Variants in KRT73 observed in about 807,000 individuals in gnomAD.
The protein encoded by KRT73 is keratin, type II cytoskeletal 73.
A neutral mutation model predicts 47.2 loss-of-function variants in KRT73; 44 were observed. That is an observed-to-expected ratio of 0.93 (90% CI 0.73 to 1.20). The LOEUF (loss-of-function observed/expected upper bound fraction) is 1.20, where lower values mean the gene tolerates loss of function less well. Ranked by LOEUF, KRT73 falls within the 50% of genes most tolerant of loss-of-function variation. KRT73 has a pLI of 0.00. For missense variants in KRT73, 713 were observed against 704.5 expected, an observed-to-expected ratio of 1.01 and a Z score of -0.14; for synonymous variants, 285 against 291.3, an observed-to-expected ratio of 0.98 and a Z score of 0.22.
chr12:52,618,047 C>CCCAAGAT, intron 1 of KRT73, 31 bp downstream of exon 1: 1 of 1,606,396 alleles, frequency 6.2e-7, no homozygotes, highest in Non-Finnish European at 8.5e-7. Flanking sequence ...AAAAGGGGAG[C>CCCAAGAT]CCAAGATCAG....
rs930811331 is a variant in KRT73, at chr12:52,618,312, A to G, written c.213T>C (p.Tyr71=). The G allele has an allele frequency of 4.3e-6, 7 of 1,614,022 alleles. No individual in the cohort carries two copies. The highest frequency in any genetic ancestry group is 5.9e-6 in the Non-Finnish European group (7 of 1,180,022). Residue 71 remains tyrosine, a synonymous_variant, in exon 1 of 9, where the codon TAT becomes TAC. Transcript: ENST00000305748. The stretch of plus-strand genomic sequence containing the variant: ...CACTGGCCCGGCCCCGGCCAAATCC[A>G]TAGCCTCCTGCCCACCCACTGCCAC... ...VASGSGWAGG[Y]GFGRGRASGF... is the part of the protein sequence containing the mutation.
At position 52,611,223 on chromosome 12, in the gene KRT73, A is replaced by G. The variant is rs141119313; in HGVS notation, c.1091T>C (p.Ile364Thr). Residue 364 changes from isoleucine (I) to threonine (T), a missense_variant, in exon 6 of 9, where the codon ATT (isoleucine) becomes ACT (threonine). Physicochemically the swap from Ile to Thr is moderately conservative, Grantham distance 89. Coordinates refer to ENST00000305748, the MANE Select transcript of KRT73 (RefSeq NM_175068.3). ...TRLIQRLRSE[I>T]ESVKKQCANL... is the part of the protein sequence containing the mutation. Reference sequence around the variant, plus strand: ...CTTCACCTGCTTCTTCACACTCTCAATCTCCGAGCGCAGTCTTTGGATGAG... The same window carrying G: ...CTTCACCTGCTTCTTCACACTCTCAGTCTCCGAGCGCAGTCTTTGGATGAG... 5.0e-6 allele frequency: 8 copies of G among 1,614,000 alleles called. No individual in the cohort carries two copies. Among genetic ancestry groups the G allele is most frequent in the Non-Finnish European group, 5.9e-6 (7 of 1,180,024 alleles).
chr12:52,614,796 A>G, intron 3 of KRT73, 122 bp from the exon 4 acceptor site: 1 of 727,716 alleles, frequency 1.4e-6, no homozygotes. Flanking sequence ...TCCAAGGGGC[A>G]GGAACCGGCC....
At chr12:52,611,894 G>A (rs1376620896) in intron 5 of KRT73, among the ~76,000 whole-genome samples, 4 of 152,182 alleles carry the variant, frequency 2.6e-5, no homozygotes, top group Admixed American at 6.5e-5. Context: ...CTTCCGTGAT[G>A]CCCTGGTTGG....
upstream of KRT73, among the ~76,000 whole-genome samples, chr12:52,619,557 A>C (rs1940869967): frequency 6.6e-6 from 1 of 152,164 alleles, no homozygotes; most frequent in Non-Finnish European, 1.5e-5. Context: ...CGCCTTATTC[A>C]TTCGTCCATC....
At chr12:52,610,540 C>A (rs539689642) in intron 7 of KRT73, 75 bp downstream of exon 7, 6 of 292,524 alleles carry the variant, frequency 2.1e-5, no homozygotes, top group Admixed American at 1.1e-4. Flanking sequence ...CCCCCTCCCC[C>A]CCGCCCCCAA....
Position 52,608,263 on chromosome 12 carries a change from C to T in KRT73, c.1556G>A (p.Ser519Asn), listed in dbSNP as rs1295776105. The T allele has an allele frequency of 1.2e-6, 2 of 1,614,076 alleles. No homozygotes were observed. Among genetic ancestry groups the T allele is most frequent in the Non-Finnish European group, 1.7e-6 (2 of 1,180,022 alleles). The part of the protein sequence containing the change: ...GEARTRLGSA[S>N]EFRDSQGKTL... ...CTTTCCCTGGGAGTCCCTGAATTCA[C>T]TTGCACTCCCCAGCCTGGTCCTGGC... is the stretch of plus-strand genomic sequence containing the variant. Residue 519 changes from serine (S) to asparagine (N), a missense_variant, in exon 9 of 9, where the codon AGT becomes AAT. Transcript: ENST00000305748.
intron 3 of KRT73, chr12:52,615,078 G>T (rs561791196): frequency 1.8e-5 from 10 of 545,110 alleles, no homozygotes; most frequent in Non-Finnish European, 2.9e-5. Context: ...TCCACATCTA[G>T]GTTCCTGTCC....
At position 52,608,307 on chromosome 12, in the gene KRT73, G is replaced by A. The variant is rs1395024634; in HGVS notation, c.1512C>T (p.Asn504=). ...LPGGCVTGSG[N]CSPRGEARTR... is the part of the protein sequence containing the mutation. ...TCCTGGCTTCCCCACGGGGGCTACA[G>A]TTCCCACTGCCAGTGACACAGCCCC... Residue 504 remains asparagine, a synonymous_variant, in exon 9 of 9, where the codon AAC becomes AAT. Coordinates refer to ENST00000305748, the MANE Select transcript of KRT73 (RefSeq NM_175068.3). 4 of 1,614,016 alleles carry A rather than the reference G, an allele frequency of 2.5e-6. No individual in the cohort carries two copies. The highest frequency in any genetic ancestry group is 3.4e-6 in the Non-Finnish European group (4 of 1,180,018).
chr12:52,611,272 T>C lies in KRT73; in HGVS notation c.1042A>G (p.Asn348Asp). Residue 348 changes from asparagine to aspartate, a missense_variant, in exon 6 of 9, where the codon AAT becomes GAT. Coordinates refer to ENST00000305748, the MANE Select transcript of KRT73 (RefSeq NM_175068.3). ...AGACGGGTCAGCTCTGAGATCTCAT[T>C]TTTGGTGTGTTTCAGGTCATCCCCA... ...RHGDDLKHTKNEISELTRLIQ... is the reference protein window; with the variant it reads ...RHGDDLKHTKDEISELTRLIQ... The C allele has an allele frequency of 6.2e-7, 1 of 1,613,964 alleles. No individual in the cohort carries two copies. The highest frequency in any genetic ancestry group is 2.2e-5 in the East Asian group (1 of 44,870).
intron 7 of KRT73, 157 bp downstream of exon 7, chr12:52,610,458 T>C (rs1191989083): frequency 4.2e-6 from 3 of 718,372 alleles, no homozygotes; most frequent in Non-Finnish European, 7.0e-6. Context: ...AGGAAATTGC[T>C]GTCACATTAT....
At chr12:52,620,168 C>T (rs1940881266), upstream of KRT73, among the ~76,000 whole-genome samples, 1 of 127,716 alleles carries the variant, frequency 7.8e-6, no homozygotes, top group African/African-American at 3.1e-5. Context: ...GGCTGGAGTG[C>T]AATAGCATGA....
At chr12:52,616,727 A>G (rs1039566612) in intron 1 of KRT73, among the ~76,000 whole-genome samples, 2 of 152,080 alleles carry the variant, frequency 1.3e-5, no homozygotes, top group Non-Finnish European at 2.9e-5. Context: ...AGCCCCTTAG[A>G]CACAAGCTGG....
the KRT73 span, among the ~76,000 whole-genome samples, chr12:52,628,711 A>G: frequency 1.3e-5 from 2 of 152,186 alleles, no homozygotes; most frequent in African/African-American, 4.8e-5. Context: ...AGGGAGAGAC[A>G]AGGGAGAAGG....
At chr12:52,628,374 C>T in the KRT73 span, among the ~76,000 whole-genome samples, 1 of 147,356 alleles carries the variant, frequency 6.8e-6, no homozygotes, top group African/African-American at 2.5e-5. Context: ...TTTCACCCTC[C>T]CAGTCCCCAT....
rs1240099215 is a variant in KRT73, at chr12:52,618,479, C to T, written c.46G>A (p.Gly16Ser). 5.0e-6 allele frequency: 8 copies of T among 1,611,556 alleles called. No homozygotes were observed. Among genetic ancestry groups the T allele is most frequent in the Admixed American group, 1.7e-5 (1 of 59,716 alleles). The part of the protein sequence containing the change: ...TYKSGAAAKG[G>S]FSGCSAVLSG... ...AGCACAGCGGAGCAGCCGCTGAAGC[C>T]CCCCTTGGCAGCAGCTCCCGACTTG... The change falls in exon 1 of 9, where the codon GGC (glycine) becomes AGC (serine). Residue 16 changes from glycine to serine, a missense_variant. By Grantham distance (56) the Gly-to-Ser change is moderately conservative. Transcript: ENST00000305748.
In KRT73 at chr12:52,610,905, A is replaced by G. The variant is rs931882908; in HGVS notation, c.1111-70T>C. The G allele has an allele frequency of 4.5e-6, 6 of 1,331,574 alleles. No individual in the cohort carries two copies. In the Admixed American group the frequency reaches 5.6e-5, roughly 12 times the overall value. 82.5% of individuals were successfully genotyped at this position (1,331,574 alleles called of 1,614,324 possible). ...CTCGCTTCACCTCTCCCATGCTCTC[A>G]ATGGTTGAGCCCTCCTCTGTCCTGC... On this transcript the variant is annotated intron_variant, in intron 6 of 8. Transcript: ENST00000305748.
At chr12:52,613,315 C>G (rs909000118) in intron 5 of KRT73, 1 of 183,296 alleles carries the variant, frequency 5.5e-6, no homozygotes, top group African/African-American at 2.3e-5. Context: ...AAGAGACCCC[C>G]TCATTTATGA....
the KRT73 span, among the ~76,000 whole-genome samples, chr12:52,627,944 G>T: frequency 3.3e-5 from 5 of 152,236 alleles, no homozygotes; most frequent in South Asian, 8.3e-4. Context: ...TGTGTGCCTT[G>T]CAGGATGGCA....
Sources: allele counts gnomAD v4.1 joint callset (sites outside exome capture counted in the v4.1 genomes callset), GRCh38; gene constraint gnomAD v4.1.1; transcripts MANE v1.5; gene names NCBI Gene and HGNC (gene_info 2026-07-23, HGNC 2026-07-21).